COMMD6: variants seen among roughly 807,000 people sequenced by gnomAD.
COMMD6 encodes COMM domain-containing protein 6.
COMMD6 carries 11 observed loss-of-function variants against 13.4 expected under a neutral mutation model. The observed-to-expected ratio is 0.82, with a 90% CI of 0.52 to 1.36. The LOEUF is 1.36. COMMD6 is among the 40% of genes most tolerant of loss of function. The pLI is 0.00. For synonymous variants in COMMD6, 43 were observed against 36.5 expected, an observed-to-expected ratio of 1.18 and a Z score of -0.64; for missense variants, 124 against 102.4, an observed-to-expected ratio of 1.21 and a Z score of -0.91.
At position 75,545,796 on chromosome 13, in the gene COMMD6, T is replaced by C. The variant is rs1455894258; in HGVS notation, n.106+3527A>G. On this transcript the variant is annotated intron_variant and non_coding_transcript_variant, in intron 1 of 2. Transcript: ENST00000460675. ...TCAGATGGCTTCTTAAAGTGATAGT[T>C]AATCAGGGTAGTAGTCGTGACTCAG... Among the ~76,000 whole-genome samples, 3 of 152,136 alleles carry C rather than the reference T, an allele frequency of 2.0e-5. No individual in the cohort carries two copies. In the East Asian group the frequency reaches 5.8e-4, roughly 29 times the overall value.
At chr13:75,530,981 A>G (rs141016492) in intron 2 of COMMD6, among the ~76,000 whole-genome samples, 6 of 152,366 alleles carry the variant, frequency 3.9e-5, no homozygotes, top group Non-Finnish European at 8.8e-5. Flanking sequence ...ATACTGCCTC[A>G]TATTAAGGCA....
upstream of COMMD6, among the ~76,000 whole-genome samples, chr13:75,539,229 C>CTT (rs71127551): frequency 1.1e-3 from 100 of 88,758 alleles, no homozygotes; most frequent in African/African-American, 3.3e-3. Context: ...AAACAATTAA[C>CTT]TTTTTTTTTT....
chr13:75,533,873 TAAAAA>T, intron 2 of COMMD6, among the ~76,000 whole-genome samples: 1 of 152,196 alleles, frequency 6.6e-6, no homozygotes, highest in Non-Finnish European at 1.5e-5. Context: ...AGAAAGTGGC[TAAAAA>T]TCCAAGAACA....
intron 1 of COMMD6, among the ~76,000 whole-genome samples, chr13:75,546,948 A>C (rs947540522): frequency 6.6e-6 from 1 of 152,020 alleles, no homozygotes; most frequent in African/African-American, 2.4e-5. Context: ...CAATATTTTC[A>C]TTAGCTAATC....
chr13:75,536,403 CAT>C (rs1213930003), intron 2 of COMMD6, among the ~76,000 whole-genome samples: 1 of 152,194 alleles, frequency 6.6e-6, no homozygotes, highest in Non-Finnish European at 1.5e-5. Flanking sequence ...AATATGTCCA[CAT>C]GCTAATCCTC....
intron 2 of COMMD6, chr13:75,537,412 A>T (rs1183790352): frequency 6.4e-7 from 1 of 1,551,208 alleles, no homozygotes; most frequent in Non-Finnish European, 8.7e-7. Flanking sequence ...ACTGTCGCCT[A>T]ATCAAAGCCC....
upstream of COMMD6, among the ~76,000 whole-genome samples, chr13:75,538,128 C>T (rs914889778): frequency 6.6e-5 from 10 of 152,352 alleles, no homozygotes; most frequent in South Asian, 2.1e-3. Context: ...CGGGGCGGGG[C>T]ACAGCATCCC....
At chr13:75,531,068 C>T (rs978445468) in intron 2 of COMMD6, among the ~76,000 whole-genome samples, 1 of 152,206 alleles carries the variant, frequency 6.6e-6, no homozygotes, top group Non-Finnish European at 1.5e-5. Context: ...ACATAGCAGC[C>T]ACTCAAAAAG....
chr13:75,529,445 C>T (rs1344096247), intron 3 of COMMD6, among the ~76,000 whole-genome samples: 1 of 147,950 alleles, frequency 6.8e-6, no homozygotes, highest in East Asian at 2.0e-4. Flanking sequence ...GGCGTGAACC[C>T]AGGAGGCAGA....
chr13:75,536,705 T>C lies in COMMD6; in HGVS notation c.54+959A>G, dbSNP rs1326417069. Among the ~76,000 whole-genome samples the C allele has an allele frequency of 3.3e-5, 5 of 152,184 alleles. No homozygotes were observed. The East Asian group carries it at 9.6e-4, about 29-fold the overall frequency. ...AACAAAGCCCTGCAGACACCTTGCT[T>C]TTAGCACCGTAAGACTAGTTTAGGA... On this transcript the variant is annotated intron_variant, in intron 2 of 3. Transcript: ENST00000682242.
chr13:75,531,185 T>C (rs185199755), intron 2 of COMMD6, among the ~76,000 whole-genome samples: 121 of 152,270 alleles, frequency 7.9e-4, no homozygotes, highest in African/African-American at 2.8e-3. Context: ...TTTTTGTAAA[T>C]CCCACCACGT....
intron 1 of COMMD6, among the ~76,000 whole-genome samples, chr13:75,548,858 T>C (rs2030965792): frequency 6.6e-6 from 1 of 152,200 alleles, no homozygotes; most frequent in Admixed American, 6.5e-5. Flanking sequence ...TCCTTGCTGT[T>C]TTCAGGAAGC....
At chr13:75,543,046 C>T (rs1164987874), upstream of COMMD6, among the ~76,000 whole-genome samples, 1 of 152,204 alleles carries the variant, frequency 6.6e-6, no homozygotes, top group African/African-American at 2.4e-5. Flanking sequence ...ATGGATGGGG[C>T]TGAAGGCCAT....
chr13:75,548,619 T>C (rs867623688), intron 1 of COMMD6, among the ~76,000 whole-genome samples: 5 of 152,246 alleles, frequency 3.3e-5, no homozygotes, highest in African/African-American at 1.2e-4. Context: ...TTTTTCAGCA[T>C]TTATTTCTCA....
chr13:75,530,429 T>C (rs1294812546), intron 2 of COMMD6, 163 bp from the exon 3 acceptor site: 5 of 491,630 alleles, frequency 1.0e-5, no homozygotes, highest in East Asian at 6.4e-5. Flanking sequence ...AATAATCAAA[T>C]GAAAAAATGG....
chr13:75,534,861 T>C (rs1197858643), intron 2 of COMMD6, among the ~76,000 whole-genome samples: 2 of 152,164 alleles, frequency 1.3e-5, no homozygotes, highest in Non-Finnish European at 2.9e-5. Context: ...TGGTAATTCC[T>C]ATGTGTTTTG....
At chr13:75,544,622 G>C (rs1208783433) in intron 1 of COMMD6, among the ~76,000 whole-genome samples, 1 of 152,044 alleles carries the variant, frequency 6.6e-6, no homozygotes, top group Non-Finnish European at 1.5e-5. Flanking sequence ...AATTAGCCGG[G>C]TGTGGTGGCA....
chr13:75,538,551 T>A (rs899202877), upstream of COMMD6, among the ~76,000 whole-genome samples: 1 of 152,250 alleles, frequency 6.6e-6, no homozygotes, highest in Non-Finnish European at 1.5e-5. Flanking sequence ...TTGCTTTATC[T>A]CGGCTTGTAT....
At chr13:75,547,161 C>A (rs761622290) in intron 1 of COMMD6, among the ~76,000 whole-genome samples, 4 of 152,100 alleles carry the variant, frequency 2.6e-5, no homozygotes, top group Non-Finnish European at 4.4e-5. Flanking sequence ...GAGCACGATG[C>A]TTGGGGGCCA....
Sources: allele counts gnomAD v4.1 joint callset (sites outside exome capture counted in the v4.1 genomes callset), GRCh38; gene constraint gnomAD v4.1.1; transcripts MANE v1.5; gene names NCBI Gene and HGNC (gene_info 2026-07-23, HGNC 2026-07-21).